MICALL1: variants seen among roughly 807,000 people sequenced by gnomAD.
MICALL1 encodes the protein MICAL-like protein 1.
In MICALL1, 61 loss-of-function variants were observed where a neutral mutation model predicts 83.7. The observed-to-expected ratio is 0.73, with a 90% CI of 0.59 to 0.90. The LOEUF (loss-of-function observed/expected upper bound fraction) is 0.90, where lower values mean the gene tolerates loss of function less well. MICALL1 is among the 40% of genes least tolerant of loss of function. The pLI is 0.00. For synonymous variants in MICALL1, 481 were observed against 473.6 expected, an observed-to-expected ratio of 1.02 and a Z score of -0.20; for missense variants, 1,066 against 1,152.0, an observed-to-expected ratio of 0.93 and a Z score of 1.08.
intron 15 of MICALL1, 114 bp from the exon 16 acceptor site, chr22:37,940,595 T>A: frequency 7.7e-7 from 1 of 1,301,154 alleles, no homozygotes; most frequent in South Asian, 1.4e-5. Flanking sequence ...CAGGAAGTGG[T>A]GGGGCTGGGC....
At chr22:37,918,403 C>A (rs1019200271) in intron 4 of MICALL1, among the ~76,000 whole-genome samples, 1 of 152,188 alleles carries the variant, frequency 6.6e-6, no homozygotes, top group Non-Finnish European at 1.5e-5. Flanking sequence ...GTGTAAAGGG[C>A]CTTCCCCTCC....
chr22:37,935,675 C>T lies in MICALL1; in HGVS notation c.2309-1405C>T, dbSNP rs576014767. Among the ~76,000 whole-genome samples, 9 of 152,160 alleles carry T rather than the reference C, an allele frequency of 5.9e-5. 1 individual carries two copies. In the East Asian group the frequency reaches 1.4e-3, roughly 23 times the overall value. On this transcript the variant is annotated intron_variant, in intron 13 of 15. Coordinates refer to ENST00000215957, the MANE Select transcript of MICALL1 (RefSeq NM_033386.4). ...TCAAGCGATTTTCCTGCCTCAGCCTCCCCAGTAGCTGGGATTACAGGCGCC... is the reference window on the plus strand; with the variant it reads ...TCAAGCGATTTTCCTGCCTCAGCCTTCCCAGTAGCTGGGATTACAGGCGCC...
In MICALL1 at chr22:37,932,060, G is replaced by A; in HGVS notation, c.2016+127G>A. ...GGCAGTGGGCCTCAGATGCTCAAGA[G>A]AGCACTCTTGGCGGCCCAACTGGAA... On this transcript the variant is annotated intron_variant, in intron 10 of 15. Coordinates refer to ENST00000215957, the MANE Select transcript of MICALL1 (RefSeq NM_033386.4). The surrounding 1 kb of genome is among the most constrained non-coding windows in gnomAD (Gnocchi z 4.4). 1.4e-6 allele frequency: 2 copies of A among 1,394,242 alleles called. No homozygotes were observed. Among genetic ancestry groups the A allele is most frequent in the Non-Finnish European group, 1.9e-6 (2 of 1,043,634 alleles). The allele number at this position is 1,394,242 out of a possible 1,614,324, so 86.4% of individuals were successfully genotyped here. A position where few individuals can be genotyped will look rare whatever the true frequency, so the allele number is the denominator to read the frequency against.
At chr22:37,927,977 G>T in intron 9 of MICALL1, 151 bp downstream of exon 9, 3 of 857,920 alleles carry the variant, frequency 3.5e-6, no homozygotes, top group Non-Finnish European at 5.2e-6. Context: ...GCGCGATCTT[G>T]GCTCACTGCA....
At chr22:37,940,627 A>G in intron 15 of MICALL1, 82 bp from the exon 16 acceptor site, 1 of 1,555,460 alleles carries the variant, frequency 6.4e-7, no homozygotes, top group African/African-American at 1.4e-5. Flanking sequence ...GCCCATGCCC[A>G]GGCCTGTGTC....
At position 37,919,046 on chromosome 22, in the gene MICALL1, TCTC is replaced by T. The variant is rs753830317; in HGVS notation, c.441_443del (p.Ser148del). 6 of 1,550,506 alleles carry T rather than the reference TCTC, an allele frequency of 3.9e-6. No homozygotes were observed. The highest frequency in any genetic ancestry group is 5.2e-6 in the Non-Finnish European group (6 of 1,146,618). On this transcript the variant is annotated inframe_deletion, in exon 5 of 16. Transcript: ENST00000215957. ...CCTCGTTCTCTGCAGGGCGAGGAGC[TCTC>T]CTCAGGCAGCCTGTCAGAGCAGGGC... is the stretch of plus-strand genomic sequence containing the variant.
Position 37,941,205 on chromosome 22 carries a change from G to A in MICALL1, c.*375G>A, listed in dbSNP as rs1362425483. 1 of 188,428 alleles carries A rather than the reference G, an allele frequency of 5.3e-6. No individual in the cohort carries two copies. Among genetic ancestry groups the A allele is most frequent in the Admixed American group, 5.3e-5 (1 of 18,800 alleles). 11.7% of individuals were successfully genotyped at this position (188,428 alleles called of 1,614,324 possible). On this transcript the variant is annotated 3_prime_UTR_variant, in exon 16 of 16. Transcript: ENST00000215957. The stretch of plus-strand genomic sequence containing the variant: ...GCTCTGGGCTGGGTCTCCGCCTCCA[G>A]GGTTCTGCTCTTCCAGGCAGGCCAG...
intron 13 of MICALL1, among the ~76,000 whole-genome samples, chr22:37,933,602 G>GGGCTGAT (rs1482613074): frequency 6.6e-6 from 1 of 152,192 alleles, no homozygotes; most frequent in East Asian, 1.9e-4. Flanking sequence ...ACCCTCTGAA[G>GGGCTGAT]GGCTGATGGC....
At position 37,925,791 on chromosome 22, in the gene MICALL1, G is replaced by A; in HGVS notation, c.1213G>A (p.Gly405Arg). The change falls in exon 8 of 16, where the codon GGA becomes AGA. Residue 405 changes from glycine (G) to arginine (R), a missense_variant. Physicochemically the swap from Gly to Arg is moderately radical, Grantham distance 125 (BLOSUM62 -2). Coordinates refer to ENST00000215957, the MANE Select transcript of MICALL1 (RefSeq NM_033386.4). Reference protein sequence around the residue: ...PSQDSRQVENGGTEEVAQPSP... With the variant: ...PSQDSRQVENRGTEEVAQPSP... ...CCAGGACAGCAGGCAGGTGGAGAAT[G>A]GAGGCACCGAGGAGGTGGCCCAGCC... 1.2e-6 allele frequency: 2 copies of A among 1,613,546 alleles called. No individual in the cohort carries two copies. The highest frequency in any genetic ancestry group is 1.7e-5 in the Admixed American group (1 of 59,990).
In MICALL1 at chr22:37,906,407, G is replaced by C; in HGVS notation, c.-16G>C. On this transcript the variant is annotated 5_prime_UTR_variant, in exon 1 of 16. Transcript: ENST00000215957. This position sits in a 1 kb window ranked among gnomAD's most constrained non-coding sequence, Gnocchi z 4.4. Reference sequence around the variant, plus strand: ...GGCCCCGAAGCCAGAGCCGGAGCCGGGCGGGCCGCGGGGTCATGGCTGGGC... The same window carrying C: ...GGCCCCGAAGCCAGAGCCGGAGCCGCGCGGGCCGCGGGGTCATGGCTGGGC... The C allele has an allele frequency of 9.0e-7, 1 of 1,108,686 alleles. No individual in the cohort carries two copies. 68.7% of individuals were successfully genotyped at this position (1,108,686 alleles called of 1,614,324 possible). A position where few individuals can be genotyped will look rare whatever the true frequency, so the allele number is the denominator to read the frequency against.
intron 5 of MICALL1, among the ~76,000 whole-genome samples, chr22:37,921,379 C>T (rs1202233951): frequency 6.6e-6 from 1 of 152,066 alleles, no homozygotes; most frequent in African/African-American, 2.4e-5. Context: ...ACCAGCCTGG[C>T]CGACTTGGTG....
intron 1 of MICALL1, among the ~76,000 whole-genome samples, chr22:37,910,886 C>T (rs74832565): frequency 0.023 from 3,568 of 152,314 alleles, 63 homozygotes; most frequent in Non-Finnish European, 0.03. Context: ...GACTGCTGAT[C>T]CCCCCAACCC....
intron 15 of MICALL1, among the ~76,000 whole-genome samples, chr22:37,938,567 T>C (rs1247048921): frequency 1.3e-5 from 2 of 150,912 alleles, no homozygotes; most frequent in South Asian, 4.2e-4. Context: ...AATTCTCCTG[T>C]CTCAGCCTCC....
chr22:37,922,598 TA>T (rs1186835844), intron 6 of MICALL1, among the ~76,000 whole-genome samples, 172 bp downstream of exon 6: 19 of 89,666 alleles, frequency 2.1e-4, no homozygotes, highest in African/African-American at 8.0e-4. Context: ...TATATATATA[TA>T]TATTTTTTTT....
At position 37,925,840 on chromosome 22, in the gene MICALL1, C is replaced by T. The variant is rs767950900; in HGVS notation, c.1262C>T (p.Ser421Phe). 33 of 1,613,804 alleles carry T rather than the reference C, an allele frequency of 2.0e-5. No homozygotes were observed. The highest frequency in any genetic ancestry group is 2.5e-5 in the Non-Finnish European group (30 of 1,179,994). ...CCGAGCCCAACGGCCAGCCTGGAGT[C>T]CAAACCCTATAACCCCTTTGAGGAG... ...AQPSPTASLE[S>F]KPYNPFEEEE... The change falls in exon 8 of 16, where the codon TCC becomes TTC. Residue 421 changes from serine (S) to phenylalanine (F), a missense_variant. Coordinates refer to ENST00000215957, the MANE Select transcript of MICALL1 (RefSeq NM_033386.4).
Position 37,942,093 on chromosome 22 carries a change from G to C in MICALL1, c.*1263G>C, listed in dbSNP as rs1930466675. ...CACACCTGGTGGCTGAACATCTCTG[G>C]TCGCCCAGAGGCCATGTTGGGGCCA... On this transcript the variant is annotated 3_prime_UTR_variant, in exon 16 of 16. Transcript: ENST00000215957. 6.6e-6 allele frequency: 1 copy of C among 152,288 alleles called. No individual in the cohort carries two copies. Among genetic ancestry groups the C allele is most frequent in the African/African-American group, 2.4e-5 (1 of 41,458 alleles). The allele number at this position is 152,288 out of a possible 1,614,324, so 9.4% of individuals were successfully genotyped here. A position where few individuals can be genotyped will look rare whatever the true frequency, so the allele number is the denominator to read the frequency against.
chr22:37,927,383 T>G (rs1484786957), intron 8 of MICALL1, 28 bp from the exon 9 acceptor site: 2 of 1,536,310 alleles, frequency 1.3e-6, no homozygotes, highest in Non-Finnish European at 1.8e-6. Context: ...GCTCCCCTTG[T>G]GAGGTGTCCT....
At chr22:37,909,529 G>T (rs111933080) in intron 1 of MICALL1, among the ~76,000 whole-genome samples, 8,078 of 151,796 alleles carry the variant, frequency 0.053, 701 homozygotes, top group African/African-American at 0.18. Context: ...TGGCTAATTT[G>T]TTGTATTTTT....
chr22:37,918,511 T>C (rs1163262960), intron 4 of MICALL1, among the ~76,000 whole-genome samples: 1 of 152,168 alleles, frequency 6.6e-6, no homozygotes, highest in Non-Finnish European at 1.5e-5. Context: ...ACAGTTTCAT[T>C]CTGCAGGTGG....
Sources: gnomAD v4.1 joint callset for allele counts (sites outside exome capture counted in the v4.1 genomes callset) on GRCh38, gnomAD v4.1.1 for gene constraint, Gnocchi (gnomAD v3.1) non-coding constraint, MANE v1.5 for transcripts, NCBI Gene and HGNC (gene_info 2026-07-23, HGNC 2026-07-21) for gene names.